Variants in CHCHD3 observed in about 807,000 individuals in gnomAD.
CHCHD3 encodes the protein MICOS complex subunit MIC19.
CHCHD3 carries 20 observed loss-of-function variants against 38.2 expected under a neutral mutation model. The ratio of observed to expected loss-of-function variants is 0.52; its 90% CI spans 0.37 to 0.76. CHCHD3 has a LOEUF of 0.76. Ranked by LOEUF, CHCHD3 falls within the 30% of genes least tolerant of loss-of-function variation. The pLI is 0.00. For synonymous variants in CHCHD3, 82 were observed against 100.0 expected (o/e 0.82, Z 1.07); for missense variants, 245 against 279.2 (o/e 0.88, Z 0.87).
chr7:133,017,132 C>G (rs1279540287), intron 3 of CHCHD3, among the ~76,000 whole-genome samples: 2 of 152,236 alleles, frequency 1.3e-5, no homozygotes, highest in South Asian at 4.1e-4. Flanking sequence ...TAGGCTGACA[C>G]AGCTCTAAGT....
chr7:133,033,946 G>T (rs1046851571), intron 2 of CHCHD3, among the ~76,000 whole-genome samples: 1 of 114,552 alleles, frequency 8.7e-6, no homozygotes, highest in Non-Finnish European at 1.7e-5. Context: ...AACACTCCAG[G>T]TCTCTGTGAG....
intron 3 of CHCHD3, among the ~76,000 whole-genome samples, chr7:132,977,230 G>T (rs1360444743): frequency 1.3e-5 from 2 of 152,212 alleles, no homozygotes; most frequent in Non-Finnish European, 2.9e-5. Context: ...AGTAGCATCA[G>T]CTGGGAGTCT....
chr7:132,955,725 G>C (rs1163822481), intron 4 of CHCHD3, among the ~76,000 whole-genome samples: 1 of 152,144 alleles, frequency 6.6e-6, no homozygotes, highest in Admixed American at 6.5e-5. Context: ...TGAGGTCTTG[G>C]AGTGAGGGGA....
chr7:133,064,253 A>G (rs1814606214), intron 2 of CHCHD3, among the ~76,000 whole-genome samples: 1 of 152,214 alleles, frequency 6.6e-6, no homozygotes, highest in African/African-American at 2.4e-5. Context: ...CTGTTGGCAG[A>G]TTTCTTTTTC....
intron 4 of CHCHD3, chr7:132,887,031 T>G: frequency 1.6e-5 from 18 of 1,111,048 alleles, no homozygotes; most frequent in Non-Finnish European, 2.1e-5. Context: ...TTTAACAACA[T>G]AAGTACTGTT....
At chr7:132,834,922 A>G (rs1807738437) in intron 6 of CHCHD3, among the ~76,000 whole-genome samples, 1 of 151,966 alleles carries the variant, frequency 6.6e-6, no homozygotes, top group African/African-American at 2.4e-5. Flanking sequence ...GCCCAGCAAG[A>G]ATAGCAATTT....
intron 2 of CHCHD3, among the ~76,000 whole-genome samples, chr7:133,033,649 T>C (rs1041988086): frequency 6.6e-6 from 1 of 152,188 alleles, no homozygotes; most frequent in Non-Finnish European, 1.5e-5. Context: ...TATATGGATT[T>C]TTCAAACAGA....
chr7:132,971,894 A>ATACTTCACATGTGTGAAACACAATCTTT (rs1811622298), intron 4 of CHCHD3, among the ~76,000 whole-genome samples: 1 of 152,100 alleles, frequency 6.6e-6, no homozygotes, highest in African/African-American at 2.4e-5. Flanking sequence ...GAGCAATGCT[A>ATACTTCACATGTGTGAAACACAATCTTT]ACCTTTCTGG....
chr7:133,082,042 G>A lies in CHCHD3; in HGVS notation c.-105C>T. The A allele has an allele frequency of 9.3e-7, 1 of 1,075,686 alleles. No individual in the cohort carries two copies. Among genetic ancestry groups the A allele is most frequent in the South Asian group, 1.7e-5 (1 of 60,454 alleles). The allele number at this position is 1,075,686 out of a possible 1,614,324, so 66.6% of individuals were successfully genotyped here. On this transcript the variant is annotated 5_prime_UTR_variant, in exon 1 of 8. Transcript: ENST00000262570. ...AGGGCCTGGATTCTTTTCCCGCACA[G>A]CGGGAGCAAGGCCACGACCCCCAGA...
chr7:132,852,753 T>C (rs1379640195), intron 5 of CHCHD3, among the ~76,000 whole-genome samples: 1 of 152,052 alleles, frequency 6.6e-6, no homozygotes, highest in African/African-American at 2.4e-5. Context: ...AGGAGAAGTG[T>C]TGGTGGAGAA....
At chr7:133,034,085 T>C (rs1813578936) in intron 2 of CHCHD3, among the ~76,000 whole-genome samples, 1 of 152,152 alleles carries the variant, frequency 6.6e-6, no homozygotes, top group Non-Finnish European at 1.5e-5. Context: ...TTCCCAAACA[T>C]CGATTTATTT....
intron 6 of CHCHD3, among the ~76,000 whole-genome samples, chr7:132,838,039 T>C (rs1007505337): frequency 1.3e-4 from 20 of 152,232 alleles, no homozygotes; most frequent in African/African-American, 4.8e-4. Context: ...ATCATTTTAT[T>C]ATACAAAAGT....
intron 4 of CHCHD3, among the ~76,000 whole-genome samples, chr7:132,942,470 C>T (rs1302133346): frequency 6.6e-6 from 1 of 152,074 alleles, no homozygotes; most frequent in East Asian, 1.9e-4. Flanking sequence ...TCTCTAACAA[C>T]TACAAGTTAA....
chr7:132,787,347 G>A (rs1806344860), intron 7 of CHCHD3, among the ~76,000 whole-genome samples: 1 of 152,134 alleles, frequency 6.6e-6, no homozygotes, highest in South Asian at 2.1e-4. Context: ...CAGGCAGGAA[G>A]CCCAAGGAGG....
chr7:132,955,911 T>C (rs570217200), intron 4 of CHCHD3, among the ~76,000 whole-genome samples: 19 of 152,274 alleles, frequency 1.2e-4, no homozygotes, highest in African/African-American at 4.6e-4. Flanking sequence ...GGTGGTCAGA[T>C]AACAAGGGTG....
At chr7:132,970,223 T>C (rs150284879) in intron 4 of CHCHD3, among the ~76,000 whole-genome samples, 10 of 152,328 alleles carry the variant, frequency 6.6e-5, no homozygotes, top group African/African-American at 2.4e-4. Flanking sequence ...TAAGGCTGTT[T>C]CATCCCACTC....
At chr7:133,031,799 A>G (rs1340118986) in intron 2 of CHCHD3, among the ~76,000 whole-genome samples, 1 of 152,186 alleles carries the variant, frequency 6.6e-6, no homozygotes, top group Admixed American at 6.5e-5. Context: ...TAAGCAGCAG[A>G]TTTCAGATAA....
intron 3 of CHCHD3, among the ~76,000 whole-genome samples, chr7:132,992,538 C>T (rs762038199): frequency 2.6e-5 from 4 of 152,206 alleles, no homozygotes; most frequent in South Asian, 2.1e-4. Flanking sequence ...TAGCCACATG[C>T]GGCTACTGAG....
chr7:132,941,283 A>G (rs575950372), intron 4 of CHCHD3, among the ~76,000 whole-genome samples: 3 of 152,280 alleles, frequency 2.0e-5, no homozygotes, highest in African/African-American at 7.2e-5. Flanking sequence ...CAGCTTCATG[A>G]CAGGGTAGTT....
Sources: gnomAD v4.1 joint callset for allele counts (sites outside exome capture counted in the v4.1 genomes callset) on GRCh38, gnomAD v4.1.1 for gene constraint, MANE v1.5 for transcripts, NCBI Gene and HGNC (gene_info 2026-07-23, HGNC 2026-07-21) for gene names.